Variants in MAGI2 observed in about 807,000 individuals in gnomAD.
MAGI2 encodes the protein membrane-associated guanylate kinase, WW and PDZ domain-containing protein 2.
MAGI2 carries 35 observed loss-of-function variants against 133.3 expected under a neutral mutation model. The ratio of observed to expected loss-of-function variants is 0.26; its 90% CI spans 0.20 to 0.35. The LOEUF is 0.35. Ranked by LOEUF, MAGI2 falls within the 10% of genes least tolerant of loss-of-function variation. The pLI is 1.00. For synonymous variants in MAGI2, 729 were observed against 710.6 expected (o/e 1.03, Z -0.41); for missense variants, 1,636 against 1,863.4 (o/e 0.88, Z 2.25).
intron 2 of MAGI2, among the ~76,000 whole-genome samples, chr7:78,665,718 A>G (rs1439390711): frequency 6.6e-6 from 1 of 152,138 alleles, no homozygotes; most frequent in Non-Finnish European, 1.5e-5. Context: ...AAAAGAAACC[A>G]TATATCTAGG....
intron 3 of MAGI2, among the ~76,000 whole-genome samples, chr7:78,594,979 A>G (rs1418769802): frequency 2.0e-5 from 3 of 152,358 alleles, no homozygotes; most frequent in South Asian, 2.1e-4. Flanking sequence ...ACACACAGAC[A>G]TATAGCTTAG....
chr7:78,755,106 T>G (rs1185607785), intron 2 of MAGI2, among the ~76,000 whole-genome samples: 1 of 152,232 alleles, frequency 6.6e-6, no homozygotes, highest in Non-Finnish European at 1.5e-5. Context: ...TTACTTAAGT[T>G]AGCAGAGCGT....
intron 1 of MAGI2, among the ~76,000 whole-genome samples, chr7:79,444,783 T>C (rs1848728397): frequency 1.3e-5 from 2 of 152,150 alleles, no homozygotes; most frequent in African/African-American, 4.8e-5. Flanking sequence ...AAGCTACCAA[T>C]GACTTTCTTC....
intron 6 of MAGI2, among the ~76,000 whole-genome samples, chr7:78,457,822 A>C (rs1417301376): frequency 1.3e-5 from 2 of 152,226 alleles, no homozygotes; most frequent in Non-Finnish European, 2.9e-5. Flanking sequence ...GCTGAGATTC[A>C]AATCCACTTC....
chr7:79,117,434 T>C (rs994979862), intron 1 of MAGI2, among the ~76,000 whole-genome samples: 2 of 152,176 alleles, frequency 1.3e-5, no homozygotes, highest in African/African-American at 4.8e-5. Context: ...AAAATCATAA[T>C]ATGATTTTTA....
At chr7:79,055,064 G>T (rs1381124923) in intron 1 of MAGI2, among the ~76,000 whole-genome samples, 2 of 152,198 alleles carry the variant, frequency 1.3e-5, no homozygotes, top group Non-Finnish European at 2.9e-5. Flanking sequence ...AAAGTGCTGG[G>T]ATTACAGGCG....
intron 1 of MAGI2, chr7:79,353,823 G>C (rs912707166): frequency 9.0e-6 from 2 of 221,598 alleles, no homozygotes; most frequent in East Asian, 2.4e-4. Context: ...GCAGGGGGTG[G>C]TGGTGGGGCT....
intron 1 of MAGI2, among the ~76,000 whole-genome samples, chr7:79,357,681 T>C (rs1231954394): frequency 6.6e-6 from 1 of 152,144 alleles, no homozygotes; most frequent in Non-Finnish European, 1.5e-5. Context: ...AAGTCATCTA[T>C]TTTGACTTAA....
intron 20 of MAGI2, among the ~76,000 whole-genome samples, chr7:78,124,622 ATTAAC>A (rs1820785154): frequency 6.6e-6 from 1 of 152,154 alleles, no homozygotes; most frequent in Admixed American, 6.5e-5. Flanking sequence ...GCTTTTCTTT[ATTAAC>A]TTAAAGAGGC....
intron 2 of MAGI2, among the ~76,000 whole-genome samples, chr7:78,635,047 T>C (rs1809480932): frequency 6.6e-6 from 1 of 152,222 alleles, no homozygotes; most frequent in Admixed American, 6.5e-5. Flanking sequence ...AACAGCTTAT[T>C]TATTAATTGC....
chr7:78,317,566 G>A (rs1787550596), intron 9 of MAGI2, among the ~76,000 whole-genome samples: 1 of 152,232 alleles, frequency 6.6e-6, no homozygotes, highest in South Asian at 2.1e-4. Context: ...CGCAGCTTCA[G>A]CCGACTTAAA....
At chr7:79,360,426 C>T (rs1311523225) in intron 1 of MAGI2, among the ~76,000 whole-genome samples, 3 of 133,208 alleles carry the variant, frequency 2.3e-5, no homozygotes, top group African/African-American at 9.2e-5. Context: ...AAAACTAGAA[C>T]ATCAAAAAGG....
chr7:78,089,175 G>A (rs570122725), intron 20 of MAGI2, among the ~76,000 whole-genome samples: 2 of 152,220 alleles, frequency 1.3e-5, no homozygotes, highest in African/African-American at 2.4e-5. Context: ...TAAGACAATC[G>A]ATTAGTGTTG....
At chr7:78,045,577 C>T (rs1049473399) in intron 21 of MAGI2, among the ~76,000 whole-genome samples, 13 of 152,162 alleles carry the variant, frequency 8.5e-5, no homozygotes, top group African/African-American at 2.7e-4. Context: ...AGAAATACAT[C>T]TTTGAGAAAA....
chr7:78,390,466 A>G (rs527561284), intron 6 of MAGI2, among the ~76,000 whole-genome samples: 2 of 152,144 alleles, frequency 1.3e-5, no homozygotes, highest in African/African-American at 2.4e-5. Flanking sequence ...GGGGATTTAC[A>G]TTTTTCTGTG....
intron 12 of MAGI2, among the ~76,000 whole-genome samples, chr7:78,191,371 C>T (rs967950389): frequency 2.0e-5 from 3 of 152,108 alleles, no homozygotes; most frequent in South Asian, 4.1e-4. Context: ...ATTTTTACTG[C>T]ACAATTTCAC....
At chr7:78,150,518 A>G (rs1442204526) in intron 16 of MAGI2, among the ~76,000 whole-genome samples, 1 of 152,220 alleles carries the variant, frequency 6.6e-6, no homozygotes, top group Non-Finnish European at 1.5e-5. Context: ...TGGGAGAGTG[A>G]TGGGCATCCT....
chr7:79,336,334 C>G (rs1840437650), intron 1 of MAGI2, among the ~76,000 whole-genome samples: 1 of 152,018 alleles, frequency 6.6e-6, no homozygotes, highest in South Asian at 2.1e-4. Flanking sequence ...AAAGCCCAAG[C>G]TCTTAAACAT....
At chr7:78,704,880 T>C (rs1818474464) in intron 2 of MAGI2, among the ~76,000 whole-genome samples, 1 of 150,574 alleles carries the variant, frequency 6.6e-6, no homozygotes, top group African/African-American at 2.4e-5. Context: ...GAGGCCATTA[T>C]TCTAAGTGAA....
Sources: gnomAD v4.1 joint callset for allele counts (sites outside exome capture counted in the v4.1 genomes callset) on GRCh38, gnomAD v4.1.1 for gene constraint, MANE v1.5 for transcripts, NCBI Gene and HGNC (gene_info 2026-07-23, HGNC 2026-07-21) for gene names.